ISM2: variants seen among roughly 807,000 people sequenced by gnomAD.
ISM2 encodes isthmin 2.
Under a neutral mutation model 58.0 loss-of-function variants are expected in ISM2, and 50 were observed. The observed-to-expected ratio is 0.86, with a 90% confidence interval of 0.69 to 1.09. The LOEUF is 1.09. ISM2 is among the 50% of genes least tolerant of loss of function. The pLI is 0.00. For missense variants in ISM2, 723 were observed against 745.0 expected, an observed-to-expected ratio of 0.97 and a Z score of 0.34; for synonymous variants, 303 against 312.4, an observed-to-expected ratio of 0.97 and a Z score of 0.32.
chr14:77,479,289 G>T (rs1239338690), intron 4 of ISM2, among the ~76,000 whole-genome samples: 1 of 152,116 alleles, frequency 6.6e-6, no homozygotes, highest in Non-Finnish European at 1.5e-5. Flanking sequence ...GCGTGATTTC[G>T]GCTCACTGTA....
At chr14:77,493,704 C>T (rs1442726799) in intron 1 of ISM2, among the ~76,000 whole-genome samples, 1 of 152,126 alleles carries the variant, frequency 6.6e-6, no homozygotes, top group Non-Finnish European at 1.5e-5. Context: ...TCAAGTGATC[C>T]ACCTGCCTCG....
At position 77,475,521 on chromosome 14, in the gene ISM2, T is replaced by A; in HGVS notation, c.*74A>T. 6.7e-6 allele frequency: 1 copy of A among 148,468 alleles called. No homozygotes were observed. The highest frequency in any genetic ancestry group is 1.2e-5 in the Non-Finnish European group (1 of 81,878). The allele number at this position is 148,468 out of a possible 1,614,324, so 9.2% of individuals were successfully genotyped here. On this transcript the variant is annotated 3_prime_UTR_variant, in exon 7 of 7. Coordinates refer to ENST00000342219, the MANE Select transcript of ISM2 (RefSeq NM_199296.3). This position sits in a 1 kb window ranked among gnomAD's most constrained non-coding sequence, Gnocchi z 4.1. Reference sequence around the variant, plus strand: ...CTCACCCTGTCTGGGCAGGGGCGGGTGAGGAAAGTTCTCCCGTGCAACAGC... The same window carrying A: ...CTCACCCTGTCTGGGCAGGGGCGGGAGAGGAAAGTTCTCCCGTGCAACAGC...
Position 77,483,106 on chromosome 14 carries a change from G to A in ISM2, c.628-439C>T, listed in dbSNP as rs1269256018. On this transcript the variant is annotated intron_variant, in intron 3 of 6. Transcript: ENST00000342219. ...TGCTCCCGACACAGCAGCCCTTGGA[G>A]GAACTCTCTTGCACCACATTATGGA... Among the ~76,000 whole-genome samples, 3 of 152,176 alleles carry A rather than the reference G, an allele frequency of 2.0e-5. No homozygotes were observed. In the East Asian group the frequency reaches 5.8e-4, roughly 29 times the overall value.
chr14:77,484,299 T>C, intron 3 of ISM2, 24 bp downstream of exon 3: 1 of 1,605,166 alleles, frequency 6.2e-7, no homozygotes, highest in Non-Finnish European at 8.5e-7. Context: ...TCTGCAGGGC[T>C]GCTGGCCCTT....
rs745893541 is a variant in ISM2, at chr14:77,475,999, T to C, written c.1312A>G (p.Met438Val). 11 of 1,587,600 alleles carry C rather than the reference T, an allele frequency of 6.9e-6. No individual in the cohort carries two copies. Among genetic ancestry groups the C allele is most frequent in the Admixed American group, 6.7e-5 (4 of 59,488 alleles). ...SCPCAYPLEA[M>V]DSPVSLQDEH... ...TCCTGTAGGCTCACAGGGCTGTCCA[T>C]GGCCTCCAGTGGGTAGGCACACGGG... The change falls in exon 7 of 7, where the codon ATG becomes GTG. Residue 438 changes from methionine (M) to valine (V), a missense_variant. Coordinates refer to ENST00000342219, the MANE Select transcript of ISM2 (RefSeq NM_199296.3). The surrounding 1 kb of genome is among the most constrained non-coding windows in gnomAD (Gnocchi z 4.1).
At chr14:77,484,293 C>T in intron 3 of ISM2, 30 bp downstream of exon 3, 1 of 1,601,788 alleles carries the variant, frequency 6.2e-7, no homozygotes, top group Non-Finnish European at 8.5e-7. Flanking sequence ...CGGGTGTCTG[C>T]AGGGCTGCTG....
intron 4 of ISM2, 131 bp from the exon 5 acceptor site, chr14:77,478,846 T>A: frequency 1.1e-6 from 1 of 912,138 alleles, no homozygotes; most frequent in Non-Finnish European, 1.7e-6. Flanking sequence ...TGAATGAAGC[T>A]GGGCTGGATT....
At chr14:77,489,803 ATATT>A (rs2079190406) in intron 1 of ISM2, among the ~76,000 whole-genome samples, 1 of 152,206 alleles carries the variant, frequency 6.6e-6, no homozygotes, top group Non-Finnish European at 1.5e-5. Flanking sequence ...ACTGAGCCCC[ATATT>A]TAGTTTAACG....
intron 1 of ISM2, among the ~76,000 whole-genome samples, chr14:77,495,217 G>A (rs1373668542): frequency 2.0e-5 from 3 of 152,058 alleles, no homozygotes; most frequent in Non-Finnish European, 4.4e-5. Context: ...GAAATCATCC[G>A]AGGTGAGTCA....
At chr14:77,483,151 A>G (rs1436755761) in intron 3 of ISM2, among the ~76,000 whole-genome samples, 1 of 152,212 alleles carries the variant, frequency 6.6e-6, no homozygotes, top group African/African-American at 2.4e-5. Context: ...AGTAAAAGAA[A>G]ATCATTTATG....
chr14:77,476,503 T>G (rs2079099502), intron 6 of ISM2, among the ~76,000 whole-genome samples: 1 of 151,920 alleles, frequency 6.6e-6, no homozygotes, highest in South Asian at 2.1e-4. Context: ...GGTAAGAAGG[T>G]TTCATTATTT....
chr14:77,476,757 A>G (rs893622568), intron 6 of ISM2, among the ~76,000 whole-genome samples: 2 of 152,202 alleles, frequency 1.3e-5, no homozygotes, highest in Admixed American at 1.3e-4. Context: ...TCTTAAATAG[A>G]AGAGCTGGGG....
chr14:77,476,179 T>A (rs1207445930), intron 6 of ISM2, 67 bp from the exon 7 acceptor site: 6 of 1,472,824 alleles, frequency 4.1e-6, no homozygotes, highest in Middle Eastern at 1.8e-4. Flanking sequence ...GGGCGGGGAC[T>A]GATTAAGGGC....
At chr14:77,479,372 C>A (rs1358240564) in intron 4 of ISM2, among the ~76,000 whole-genome samples, 1 of 150,962 alleles carries the variant, frequency 6.6e-6, no homozygotes, top group Non-Finnish European at 1.5e-5. Context: ...GCATGCGCCA[C>A]CATGCCTGGC....
intron 6 of ISM2, 138 bp from the exon 7 acceptor site, chr14:77,476,250 C>T (rs1175671186): frequency 3.3e-6 from 3 of 911,202 alleles, no homozygotes; most frequent in African/African-American, 3.3e-5. Flanking sequence ...TTGGTAGGGC[C>T]TTGGGGATGG....
chr14:77,487,243 T>TTAAATAAATAAATAAATAAATAAA (rs35003981), intron 1 of ISM2, among the ~76,000 whole-genome samples: 4 of 144,036 alleles, frequency 2.8e-5, no homozygotes, highest in African/African-American at 1.0e-4. Context: ...AGAATCCATC[T>TTAAATAAATAAATAAATAAATAAA]TAAATAAATA....
intron 1 of ISM2, among the ~76,000 whole-genome samples, chr14:77,493,613 C>G (rs1034293827): frequency 2.7e-5 from 4 of 149,174 alleles, no homozygotes; most frequent in Admixed American, 1.3e-4. Context: ...AGGCGCCCAC[C>G]ACCACGCCTG....
intron 1 of ISM2, 108 bp from the exon 2 acceptor site, chr14:77,485,027 T>G: frequency 3.5e-6 from 4 of 1,158,858 alleles, no homozygotes; most frequent in Non-Finnish European, 4.9e-6. Context: ...GACCGGGTCA[T>G]AAACTCACCC....
intron 1 of ISM2, among the ~76,000 whole-genome samples, chr14:77,497,511 C>G (rs1163552475): frequency 6.6e-6 from 1 of 151,182 alleles, no homozygotes; most frequent in Non-Finnish European, 1.5e-5. Context: ...ACAGTGAGAC[C>G]CCCCCATCTC....
Sources: gnomAD v4.1 joint callset for allele counts (sites outside exome capture counted in the v4.1 genomes callset) on GRCh38, gnomAD v4.1.1 for gene constraint, Gnocchi (gnomAD v3.1) non-coding constraint, MANE v1.5 for transcripts, NCBI Gene and HGNC (gene_info 2026-07-23, HGNC 2026-07-21) for gene names.